Variants in GLIS3 observed in about 807,000 individuals in gnomAD.
GLIS3 encodes zinc finger protein GLIS3.
Under a neutral mutation model 78.6 loss-of-function variants are expected in GLIS3, and 53 were observed. That is an observed-to-expected ratio of 0.67 (90% CI 0.54 to 0.85). GLIS3 has a LOEUF of 0.85. Ranked by LOEUF, GLIS3 falls within the 40% of genes least tolerant of loss-of-function variation. The pLI is 0.00. For synonymous variants in GLIS3, 684 were observed against 509.9 expected (o/e 1.34, Z -4.60); for missense variants, 1,703 against 1,231.1 (o/e 1.38, Z -5.74).
intron 2 of GLIS3, among the ~76,000 whole-genome samples, chr9:4,128,819 A>T (rs1439179380): frequency 6.6e-6 from 1 of 152,186 alleles, no homozygotes; most frequent in African/African-American, 2.4e-5. Context: ...AATGCTAATT[A>T]TCTCCCTAGT....
chr9:4,331,783 C>A (rs891418875), intron 2 of GLIS3, among the ~76,000 whole-genome samples: 7 of 152,112 alleles, frequency 4.6e-5, no homozygotes, highest in Non-Finnish European at 1.0e-4. Context: ...CAGGAAATAA[C>A]CAGATGAACA....
intron 2 of GLIS3, chr9:4,152,258 G>C (rs778768190): frequency 3.9e-6 from 1 of 259,484 alleles, no homozygotes; most frequent in Non-Finnish European, 6.0e-6. Context: ...TGTGAGGCAG[G>C]GTTCTTGTTC....
In GLIS3 at chr9:3,824,438, C is replaced by T. The variant is rs992659157; in HGVS notation, c.*3834G>A. 1.3e-5 allele frequency: 2 copies of T among 152,348 alleles called. No homozygotes were observed. Among genetic ancestry groups the T allele is most frequent in the South Asian group, 2.1e-4 (1 of 4,820 alleles). The allele number at this position is 152,348 out of a possible 1,614,324, so 9.4% of individuals were successfully genotyped here. A position where few individuals can be genotyped will look rare whatever the true frequency, so the allele number is the denominator to read the frequency against. On this transcript the variant is annotated 3_prime_UTR_variant, in exon 11 of 11. Transcript: ENST00000381971. ...TGATGGTTGCCATTGTGTTTTAAACCGACAGGCTGAAGGAGGATTTTAGGC... is the reference window on the plus strand; with the variant it reads ...TGATGGTTGCCATTGTGTTTTAAACTGACAGGCTGAAGGAGGATTTTAGGC...
At chr9:4,077,344 G>T (rs1828164240) in intron 4 of GLIS3, among the ~76,000 whole-genome samples, 1 of 152,198 alleles carries the variant, frequency 6.6e-6, no homozygotes, top group Non-Finnish European at 1.5e-5. Context: ...ACATTTAAAA[G>T]AGATGCTGAG....
intron 4 of GLIS3, among the ~76,000 whole-genome samples, chr9:3,950,843 T>C (rs565078570): frequency 2.6e-5 from 4 of 152,348 alleles, no homozygotes; most frequent in African/African-American, 9.6e-5. Context: ...CATATTAAAA[T>C]GCTTTCTTCC....
chr9:4,120,468 T>A lies in GLIS3; in HGVS notation c.597-1587A>T, dbSNP rs75861275. On this transcript the variant is annotated intron_variant, in intron 3 of 10. Coordinates refer to ENST00000381971, the MANE Select transcript of GLIS3 (RefSeq NM_001042413.2). ...CCTCCACAGTGGTTCTGGAACCATC[T>A]AGTTTTTAATTCCCCACGGACACTT... Among the ~76,000 whole-genome samples the A allele has an allele frequency of 4.3e-3, 651 of 152,344 alleles. 7 individuals are homozygous for A. The highest frequency in any genetic ancestry group is 0.015 in the African/African-American group (617 of 41,570).
At chr9:4,360,118 G>T in the GLIS3 span, among the ~76,000 whole-genome samples, 1 of 151,922 alleles carries the variant, frequency 6.6e-6, no homozygotes. Flanking sequence ...TTTACTCAAT[G>T]AGGGCACAGG....
chr9:3,859,353 A>C (rs1166965662), intron 8 of GLIS3, among the ~76,000 whole-genome samples: 1 of 1,184 alleles, frequency 8.4e-4, no homozygotes, highest in Non-Finnish European at 7.5e-3. Context: ...TCTTCGAAAC[A>C]CACACACACA....
chr9:4,320,783 A>G (rs1817511879), intron 2 of GLIS3, among the ~76,000 whole-genome samples: 1 of 152,048 alleles, frequency 6.6e-6, no homozygotes, highest in Non-Finnish European at 1.5e-5. Context: ...CCATCACCAC[A>G]CTATTCCAAG....
At chr9:3,877,366 C>G (rs1420746275) in intron 8 of GLIS3, among the ~76,000 whole-genome samples, 2 of 152,208 alleles carry the variant, frequency 1.3e-5, no homozygotes, top group Non-Finnish European at 2.9e-5. Context: ...GCTGACAGAT[C>G]TTGTGGGAGG....
chr9:4,260,164 C>G (rs2130000177), intron 2 of GLIS3, among the ~76,000 whole-genome samples: 1 of 152,324 alleles, frequency 6.6e-6, no homozygotes, highest in East Asian at 1.9e-4. Context: ...TTGGGCCAGG[C>G]CCGATGGCCT....
intron 2 of GLIS3, among the ~76,000 whole-genome samples, chr9:4,311,517 A>G (rs1235572802): frequency 6.6e-6 from 1 of 152,126 alleles, no homozygotes; most frequent in Non-Finnish European, 1.5e-5. Context: ...AGAGAAATCC[A>G]TTACACAATA....
chr9:4,251,683 T>A (rs779786515), intron 2 of GLIS3, among the ~76,000 whole-genome samples: 1 of 152,212 alleles, frequency 6.6e-6, no homozygotes, highest in African/African-American at 2.4e-5. Flanking sequence ...CATTAGTTGA[T>A]GCAGTTTCTT....
chr9:3,852,465 G>C (rs368534378), intron 9 of GLIS3, among the ~76,000 whole-genome samples: 49 of 152,290 alleles, frequency 3.2e-4, no homozygotes, highest in East Asian at 2.5e-3. Flanking sequence ...GGTGTTCCCT[G>C]TTACCAAGAT....
At chr9:4,333,565 A>T (rs1817714384) in intron 2 of GLIS3, among the ~76,000 whole-genome samples, 1 of 152,188 alleles carries the variant, frequency 6.6e-6, no homozygotes, top group African/African-American at 2.4e-5. Flanking sequence ...CTAGTTTCCC[A>T]AATTTGATAC....
At chr9:4,414,247 A>T in the GLIS3 span, among the ~76,000 whole-genome samples, 2 of 152,228 alleles carry the variant, frequency 1.3e-5, no homozygotes, top group Admixed American at 6.5e-5. Flanking sequence ...GACAGATTTT[A>T]GATTAGATAA....
the GLIS3 span, among the ~76,000 whole-genome samples, chr9:4,479,313 T>C: frequency 2.0e-5 from 3 of 152,232 alleles, no homozygotes; most frequent in Non-Finnish European, 4.4e-5. Context: ...TGTGGACTTA[T>C]TTAGATCCTG....
the GLIS3 span, among the ~76,000 whole-genome samples, chr9:4,438,698 T>A: frequency 1.3e-5 from 2 of 152,184 alleles, no homozygotes; most frequent in Admixed American, 1.3e-4. Context: ...CATGCTGTTC[T>A]CATGGTAGTG....
At position 4,130,436 on chromosome 9, in the gene GLIS3, T is replaced by C. The variant is rs534963284; in HGVS notation, c.389-4495A>G. On this transcript the variant is annotated intron_variant, in intron 2 of 10. Coordinates refer to ENST00000381971, the MANE Select transcript of GLIS3 (RefSeq NM_001042413.2). ...AAGGCCTAAGAGGGAAGAATGATTT[T>C]ATGGGCCAGGCCCAGGGCCCTGCTG... Among the ~76,000 whole-genome samples the C allele has an allele frequency of 2.6e-5, 4 of 152,314 alleles. No individual in the cohort carries two copies. The East Asian group carries it at 7.7e-4, about 29-fold the overall frequency.
Sources: allele counts gnomAD v4.1 joint callset (sites outside exome capture counted in the v4.1 genomes callset), GRCh38; gene constraint gnomAD v4.1.1; transcripts MANE v1.5; gene names NCBI Gene and HGNC (gene_info 2026-07-23, HGNC 2026-07-21).